RMDN3: variants seen among roughly 807,000 people sequenced by gnomAD.
RMDN3 encodes regulator of microtubule dynamics protein 3.
RMDN3 carries 41 observed loss-of-function variants against 61.8 expected under a neutral mutation model. That is an observed-to-expected ratio of 0.66 (90% confidence interval 0.52 to 0.86). The LOEUF (loss-of-function observed/expected upper bound fraction) is 0.86. Ranked by LOEUF, RMDN3 falls within the 40% of genes least tolerant of loss-of-function variation. RMDN3 has a pLI of 0.00. For missense variants in RMDN3, 557 were observed against 585.3 expected (o/e 0.95, Z 0.50); for synonymous variants, 247 against 232.0 (o/e 1.06, Z -0.59).
chr15:40,750,406 G>A (rs1897771738), intron 4 of RMDN3, among the ~76,000 whole-genome samples: 1 of 151,592 alleles, frequency 6.6e-6, no homozygotes, highest in Non-Finnish European at 1.5e-5. Flanking sequence ...TTTTAGTAGA[G>A]ACAGGGTTTC....
At chr15:40,737,085 CA>C (rs751729326) in intron 12 of RMDN3, 38 bp downstream of exon 12, 2 of 1,538,960 alleles carry the variant, frequency 1.3e-6, no homozygotes, top group African/African-American at 2.7e-5. Context: ...CTCCCGACTT[CA>C]GGTGATCTGC....
chr15:40,754,127 C>CTTTTT lies in RMDN3; in HGVS notation c.187+465_187+469dup, dbSNP rs71428308. On this transcript the variant is annotated intron_variant, in intron 2 of 12. Coordinates refer to ENST00000338376, the MANE Select transcript of RMDN3 (RefSeq NM_018145.3). Reference sequence around the variant, plus strand: ...GAAAGAGTAGAGAAAACCACGACTGCTTTTTTTTTTTTTTTTTTTTTGAGA... The same window carrying CTTTTT: ...GAAAGAGTAGAGAAAACCACGACTGCTTTTTTTTTTTTTTTTTTTTTTTTTTGAGA... 4.7e-3 allele frequency among the ~76,000 whole-genome samples: 586 copies of CTTTTT among 123,764 alleles called. 21 individuals carry two copies. Among genetic ancestry groups the CTTTTT allele is most frequent in the African/African-American group, 0.017 (532 of 31,728 alleles). 81.2% of individuals were successfully genotyped at this position (123,764 alleles called of 152,430 possible). A position where few individuals can be genotyped will look rare whatever the true frequency, so the allele number is the denominator to read the frequency against.
chr15:40,746,345 C>G (rs1245688239), intron 4 of RMDN3, among the ~76,000 whole-genome samples: 1 of 151,814 alleles, frequency 6.6e-6, no homozygotes, highest in East Asian at 1.9e-4. Context: ...GAAACCCTGT[C>G]TCTACTAAAA....
At chr15:40,754,898 G>C (rs868300334) in intron 1 of RMDN3, 108 bp from the exon 2 acceptor site, 3 of 931,702 alleles carry the variant, frequency 3.2e-6, no homozygotes, top group African/African-American at 1.7e-5. Flanking sequence ...GCTGAACCCC[G>C]GCAGGTATCC....
intron 4 of RMDN3, among the ~76,000 whole-genome samples, chr15:40,747,177 AG>A (rs1897607074): frequency 1.3e-5 from 2 of 152,240 alleles, no homozygotes; most frequent in African/African-American, 2.4e-5. Context: ...TCAGCCAATC[AG>A]GAGTCCAAAG....
In RMDN3 at chr15:40,752,183, A is replaced by C. The variant is rs755781332; in HGVS notation, c.188-5T>G. On this transcript the variant is annotated splice_region_variant and splice_polypyrimidine_tract_variant and intron_variant, in intron 2 of 12. Coordinates refer to ENST00000338376, the MANE Select transcript of RMDN3 (RefSeq NM_018145.3). The stretch of plus-strand genomic sequence containing the variant: ...GGACAGCCCGCAGGAGCATCACTGA[A>C]GGGGGAAACGAATGGGAGCCAGTGA... 6.2e-7 allele frequency: 1 copy of C among 1,610,166 alleles called. No homozygotes were observed. Among genetic ancestry groups the C allele is most frequent in the African/African-American group, 1.3e-5 (1 of 74,822 alleles).
intron 1 of RMDN3, 68 bp downstream of exon 1, chr15:40,755,015 T>C (rs1268720392): frequency 6.1e-6 from 3 of 494,904 alleles, no homozygotes; most frequent in East Asian, 7.0e-5. Flanking sequence ...AGCCTGGACG[T>C]AGCCGCCCCT....
Position 40,751,720 on chromosome 15 carries a change from G to T in RMDN3, c.381-151C>A, listed in dbSNP as rs761264754. ...CTCTAACCCTCAGGAGGGCAAGCAGGGCAGCTTCCTGGGCCCAGCCCGCAC... is the reference window on the plus strand; with the variant it reads ...CTCTAACCCTCAGGAGGGCAAGCAGTGCAGCTTCCTGGGCCCAGCCCGCAC... On this transcript the variant is annotated intron_variant, in intron 3 of 12. Transcript: ENST00000338376. 11 of 1,211,690 alleles carry T rather than the reference G, an allele frequency of 9.1e-6. No individual in the cohort carries two copies. The Admixed American group carries it at 1.9e-4, about 21-fold the overall frequency. 75.1% of individuals were successfully genotyped at this position (1,211,690 alleles called of 1,614,324 possible). A position where few individuals can be genotyped will look rare whatever the true frequency, so the allele number is the denominator to read the frequency against.
chr15:40,742,027 T>C (rs1410772882), intron 6 of RMDN3, among the ~76,000 whole-genome samples: 1 of 151,960 alleles, frequency 6.6e-6, no homozygotes, highest in Non-Finnish European at 1.5e-5. Context: ...AATGTTTTCC[T>C]TTTTTTATTT....
At chr15:40,754,127 CTTTTT>C (rs71428308) in intron 2 of RMDN3, among the ~76,000 whole-genome samples, 58,501 of 123,544 alleles carry the variant, frequency 0.47, 12,570 homozygotes, top group East Asian at 0.75. Flanking sequence ...ACCACGACTG[CTTTTT>C]TTTTTTTTTT....
intron 4 of RMDN3, among the ~76,000 whole-genome samples, chr15:40,748,453 C>T (rs1333320158): frequency 6.6e-6 from 1 of 152,172 alleles, no homozygotes; most frequent in Non-Finnish European, 1.5e-5. Flanking sequence ...ATTAAGAAAT[C>T]CACTCTTCCC....
rs1897839267 is a variant in RMDN3, at chr15:40,751,896, C to T, written c.380+90G>A. On this transcript the variant is annotated intron_variant, in intron 3 of 12. Transcript: ENST00000338376. ...CTAGAAGCTATAGAACTGGTTTATT[C>T]TTTAGAGACAGACAGCGAAGGCCAG... 5 of 1,397,450 alleles carry T rather than the reference C, an allele frequency of 3.6e-6. No homozygotes were observed. The Admixed American group carries it at 5.8e-5, about 16-fold the overall frequency. The allele number at this position is 1,397,450 out of a possible 1,614,324, so 86.6% of individuals were successfully genotyped here.
At chr15:40,746,986 G>A (rs1897597744) in intron 4 of RMDN3, among the ~76,000 whole-genome samples, 1 of 152,102 alleles carries the variant, frequency 6.6e-6, no homozygotes, top group Admixed American at 6.5e-5. Context: ...GCAACCTAGA[G>A]AATGAAACTC....
intron 7 of RMDN3, chr15:40,739,170 C>G (rs1231419873): frequency 6.6e-6 from 1 of 152,396 alleles, no homozygotes; most frequent in African/African-American, 2.4e-5. Context: ...AACCAGCCAG[C>G]CAGCTTCCCA....
chr15:40,737,514 A>G (rs1897103158), intron 10 of RMDN3, 114 bp downstream of exon 10: 3 of 1,168,620 alleles, frequency 2.6e-6, no homozygotes, highest in Non-Finnish European at 3.8e-6. Flanking sequence ...AGAACAGGCA[A>G]ACACAAAATT....
At chr15:40,743,968 C>T (rs1897383602) in intron 6 of RMDN3, 79 bp downstream of exon 6, 2 of 1,256,822 alleles carry the variant, frequency 1.6e-6, no homozygotes, top group East Asian at 2.4e-5. Context: ...TTGGTGGTTC[C>T]CCGGGTCCCC....
chr15:40,747,061 T>C (rs1389712945), intron 4 of RMDN3, among the ~76,000 whole-genome samples: 1 of 152,096 alleles, frequency 6.6e-6, no homozygotes, highest in Non-Finnish European at 1.5e-5. Flanking sequence ...CAGGCCCAAA[T>C]GCAAAATGGG....
At chr15:40,751,742 GCA>G in intron 3 of RMDN3, 173 bp from the exon 4 acceptor site, 1 of 984,388 alleles carries the variant, frequency 1.0e-6, no homozygotes, top group Non-Finnish European at 1.5e-6. Flanking sequence ...GGCCCAGCCC[GCA>G]CAGACAGACT....
At chr15:40,752,226 G>A (rs746742674) in intron 2 of RMDN3, 48 bp from the exon 3 acceptor site, 2 of 1,565,828 alleles carry the variant, frequency 1.3e-6, no homozygotes, top group South Asian at 2.3e-5. Flanking sequence ...GAATATGGTG[G>A]GGAAGAGATC....
Sources: allele counts gnomAD v4.1 joint callset (sites outside exome capture counted in the v4.1 genomes callset), GRCh38; gene constraint gnomAD v4.1.1; transcripts MANE v1.5; gene names NCBI Gene and HGNC (gene_info 2026-07-23, HGNC 2026-07-21).